GRID2: variants seen among roughly 807,000 people sequenced by gnomAD.
GRID2 encodes glutamate receptor ionotropic, delta-2.
In GRID2, 33 loss-of-function variants were observed where a neutral mutation model predicts 114.8. The observed-to-expected ratio is 0.29, with a 90% CI of 0.22 to 0.38. The LOEUF is 0.38. GRID2 is among the 10% of genes least tolerant of loss of function. The probability of loss-of-function intolerance (pLI) is 1.00; values close to 1 mark genes in which losing one functional copy is unlikely to be tolerated. For synonymous variants in GRID2, 505 were observed against 449.9 expected (o/e 1.12, Z -1.55); for missense variants, 1,184 against 1,257.7 (o/e 0.94, Z 0.89).
At chr4:93,009,658 A>T (rs1276264918) in intron 2 of GRID2, among the ~76,000 whole-genome samples, 1 of 152,116 alleles carries the variant, frequency 6.6e-6, no homozygotes, top group African/African-American at 2.4e-5. Context: ...GAATTCAGGA[A>T]TTTTTTATTG....
At chr4:92,923,185 A>G (rs1213308551) in intron 2 of GRID2, among the ~76,000 whole-genome samples, 1 of 152,200 alleles carries the variant, frequency 6.6e-6, no homozygotes, top group Non-Finnish European at 1.5e-5. Flanking sequence ...TTAAATTTGC[A>G]TATTTTAAGT....
intron 12 of GRID2, among the ~76,000 whole-genome samples, chr4:93,499,966 C>T (rs955035101): frequency 2.0e-5 from 3 of 151,856 alleles, no homozygotes; most frequent in Non-Finnish European, 4.4e-5. Context: ...ATTACAAATA[C>T]GCTAAACCTT....
intron 14 of GRID2, among the ~76,000 whole-genome samples, chr4:93,629,321 G>C (rs1196075791): frequency 6.6e-6 from 1 of 152,040 alleles, no homozygotes; most frequent in Non-Finnish European, 1.5e-5. Context: ...GGAGTTTCTT[G>C]GTAACGACAC....
downstream of GRID2, among the ~76,000 whole-genome samples, chr4:93,776,670 C>T (rs1734376059): frequency 6.6e-6 from 1 of 152,304 alleles, no homozygotes; most frequent in East Asian, 1.9e-4. Context: ...TAGTAGTTCT[C>T]AAGCACCAAT....
chr4:93,371,883 G>C (rs7690317), intron 8 of GRID2, among the ~76,000 whole-genome samples: 28,819 of 151,278 alleles, frequency 0.19, 4,028 homozygotes, highest in African/African-American at 0.39. Flanking sequence ...GAGTAGCTGG[G>C]ATTACAGGCA....
chr4:93,273,391 A>G (rs1054869866), intron 8 of GRID2, among the ~76,000 whole-genome samples: 6 of 152,150 alleles, frequency 3.9e-5, no homozygotes, highest in Admixed American at 2.6e-4. Flanking sequence ...TTAATTGAGG[A>G]AGAAAGAGAA....
At chr4:93,192,841 T>C (rs952669451) in intron 4 of GRID2, among the ~76,000 whole-genome samples, 3 of 151,906 alleles carry the variant, frequency 2.0e-5, no homozygotes, top group African/African-American at 7.3e-5. Context: ...GGGTGAAATG[T>C]GTCCATAAGA....
chr4:93,157,746 T>G (rs1414327877), intron 4 of GRID2, among the ~76,000 whole-genome samples: 5 of 151,758 alleles, frequency 3.3e-5, no homozygotes, highest in African/African-American at 1.2e-4. Flanking sequence ...GTACTCACTT[T>G]GAGACTTGCT....
intron 2 of GRID2, among the ~76,000 whole-genome samples, chr4:92,732,388 A>G (rs1391124356): frequency 6.6e-6 from 1 of 152,092 alleles, no homozygotes; most frequent in Non-Finnish European, 1.5e-5. Flanking sequence ...AGTGTATACT[A>G]TATGTGAACA....
intron 2 of GRID2, among the ~76,000 whole-genome samples, chr4:92,708,359 C>T (rs1449205649): frequency 4.6e-5 from 7 of 152,168 alleles, no homozygotes. Context: ...ACCTCAGTGT[C>T]ACAGCAATGC....
At chr4:93,658,181 A>G (rs774920013) in intron 14 of GRID2, among the ~76,000 whole-genome samples, 2 of 152,184 alleles carry the variant, frequency 1.3e-5, no homozygotes, top group African/African-American at 4.8e-5. Context: ...AAACCCTATC[A>G]TTTTAGACTG....
chr4:93,451,717 T>C (rs752031649), intron 10 of GRID2, among the ~76,000 whole-genome samples: 6 of 151,930 alleles, frequency 3.9e-5, no homozygotes, highest in Non-Finnish European at 5.9e-5. Flanking sequence ...AGGAAAACAA[T>C]GAAAGCTGGA....
At chr4:92,672,615 G>A (rs947857475) in intron 2 of GRID2, among the ~76,000 whole-genome samples, 4 of 151,854 alleles carry the variant, frequency 2.6e-5, no homozygotes, top group Non-Finnish European at 5.9e-5. Flanking sequence ...TGTACTTATT[G>A]GCATGGATGT....
chr4:93,780,739 A>T (rs2110350349), intron 1 of GRID2, among the ~76,000 whole-genome samples: 1 of 152,302 alleles, frequency 6.6e-6, no homozygotes, highest in East Asian at 1.9e-4. Context: ...GCTCACAACC[A>T]TGGAAAGTGT....
chr4:93,480,903 A>C (rs1239607296), intron 11 of GRID2, among the ~76,000 whole-genome samples: 1 of 147,554 alleles, frequency 6.8e-6, no homozygotes, highest in African/African-American at 2.4e-5. Context: ...ACCTCCCTGA[A>C]TCTCTACAGT....
chr4:93,448,632 A>G (rs1302998062), intron 10 of GRID2, among the ~76,000 whole-genome samples: 3 of 151,994 alleles, frequency 2.0e-5, no homozygotes, highest in Non-Finnish European at 4.4e-5. Context: ...ACAGTAAGAG[A>G]AGGCTTTTCA....
At chr4:93,469,708 G>C (rs1248026725) in intron 11 of GRID2, among the ~76,000 whole-genome samples, 1 of 152,032 alleles carries the variant, frequency 6.6e-6, no homozygotes, top group Non-Finnish European at 1.5e-5. Flanking sequence ...ACCACAGTAG[G>C]AATCTGTAAA....
intron 4 of GRID2, among the ~76,000 whole-genome samples, chr4:93,191,482 T>C (rs1020395383): frequency 6.6e-6 from 1 of 152,122 alleles, no homozygotes; most frequent in Non-Finnish European, 1.5e-5. Flanking sequence ...TTATATGTAA[T>C]TTTAATTTGC....
intron 8 of GRID2, among the ~76,000 whole-genome samples, chr4:93,359,869 T>TAAAA (rs1158118048): frequency 4.7e-4 from 11 of 23,596 alleles, no homozygotes; most frequent in Admixed American, 7.7e-4. Context: ...AAGGAAGGTG[T>TAAAA]AAAAAAAAAA....
Sources: allele counts gnomAD v4.1 joint callset (sites outside exome capture counted in the v4.1 genomes callset), GRCh38; gene constraint gnomAD v4.1.1; transcripts MANE v1.5; gene names NCBI Gene and HGNC (gene_info 2026-07-23, HGNC 2026-07-21).